Variants in CD53 observed in about 807,000 individuals in gnomAD.
CD53 encodes CD53 molecule.
Under a neutral mutation model 27.3 loss-of-function variants are expected in CD53, and 20 were observed. The ratio of observed to expected loss-of-function variants is 0.73; its 90% CI spans 0.52 to 1.07. CD53 has a LOEUF of 1.07. Ranked by LOEUF, CD53 falls within the 50% of genes least tolerant of loss-of-function variation. CD53 has a pLI of 0.00. For missense variants in CD53, 216 were observed against 264.0 expected, an observed-to-expected ratio of 0.82 and a Z score of 1.26; for synonymous variants, 106 against 105.3, an observed-to-expected ratio of 1.01 and a Z score of -0.04.
chr1:110,897,859 C>G lies in CD53; in HGVS notation c.555C>G (p.Ile185Met). The G allele has an allele frequency of 1.9e-6, 3 of 1,611,422 alleles. No homozygotes were observed. The highest frequency in any genetic ancestry group is 2.5e-6 in the Non-Finnish European group (3 of 1,177,928). ...GGTTTCATTCCAATTTCCTGTATAT[C>G]GGAATCATCACCATCTGTGTATGTG... ...RLWFHSNFLY[I>M]GIITICVCVI... Residue 185 changes from isoleucine to methionine, a missense_variant, in exon 7 of 8, where the codon ATC becomes ATG. Transcript: ENST00000271324.
At chr1:110,875,784 T>C (rs1406123394) in intron 1 of CD53, among the ~76,000 whole-genome samples, 3 of 152,144 alleles carry the variant, frequency 2.0e-5, no homozygotes, top group African/African-American at 7.2e-5. Flanking sequence ...AGGATTGAGC[T>C]GGAGGTTGGG....
Position 110,892,482 on chromosome 1 carries a change from C to T in CD53, c.201C>T (p.Ala67=). 1 of 1,614,130 alleles carries T rather than the reference C, an allele frequency of 6.2e-7. No homozygotes were observed. Among genetic ancestry groups the T allele is most frequent in the Non-Finnish European group, 8.5e-7 (1 of 1,180,012 alleles). The change falls in exon 3 of 8, where the codon GCC becomes GCT. Residue 67 remains alanine (A), a synonymous_variant. Coordinates refer to ENST00000271324, the MANE Select transcript of CD53 (RefSeq NM_000560.4). ...TGGGCTCTATTATCATGGTAGTTGC[C>T]TTCCTGGGCTGCATGGGCTCTATCA... The part of the protein sequence containing the change: ...VIVGSIIMVV[A]FLGCMGSIKE...
chr1:110,892,604 T>C lies in CD53; in HGVS notation c.252+71T>C, dbSNP rs1656900566. On this transcript the variant is annotated intron_variant, in intron 3 of 7. Transcript: ENST00000271324. ...GCCTAAATCCCAGGCAAGATGTTTCTTGGTAGATCACTTATAGGCACAGAA... is the reference window on the plus strand; with the variant it reads ...GCCTAAATCCCAGGCAAGATGTTTCCTGGTAGATCACTTATAGGCACAGAA... The C allele has an allele frequency of 5.6e-6, 7 of 1,249,508 alleles. No homozygotes were observed. The South Asian group carries it at 9.3e-5, about 17-fold the overall frequency. 77.4% of individuals were successfully genotyped at this position (1,249,508 alleles called of 1,614,324 possible).
chr1:110,896,864 G>A (rs1657085543), intron 6 of CD53, 131 bp downstream of exon 6: 8 of 712,176 alleles, frequency 1.1e-5, no homozygotes, highest in Middle Eastern at 5.3e-4. Flanking sequence ...GAGAGGCCAG[G>A]GCAACAACCT....
chr1:110,892,621 G>A, intron 3 of CD53, 88 bp downstream of exon 3: 1 of 1,055,818 alleles, frequency 9.5e-7, no homozygotes, highest in Non-Finnish European at 1.4e-6. Context: ...ATCACTTATA[G>A]GCACAGAAAG....
At chr1:110,875,095 G>T (rs868040708) in intron 1 of CD53, among the ~76,000 whole-genome samples, 1 of 152,200 alleles carries the variant, frequency 6.6e-6, no homozygotes, top group Non-Finnish European at 1.5e-5. Flanking sequence ...GCCTAGAGAG[G>T]TGACTGGTGG....
chr1:110,894,769 T>C (rs1656991197), intron 4 of CD53, among the ~76,000 whole-genome samples, 191 bp from the exon 5 acceptor site: 1 of 152,172 alleles, frequency 6.6e-6, no homozygotes, highest in Non-Finnish European at 1.5e-5. Flanking sequence ...TACTAAATAC[T>C]TCTTCCTTCA....
intron 1 of CD53, among the ~76,000 whole-genome samples, chr1:110,879,544 C>T (rs1656267753): frequency 1.3e-5 from 2 of 152,102 alleles, no homozygotes; most frequent in African/African-American, 4.8e-5. Context: ...TAGCATATAA[C>T]AGGTTTTTCT....
At chr1:110,883,965 A>T (rs1175204396) in intron 1 of CD53, among the ~76,000 whole-genome samples, 1 of 152,038 alleles carries the variant, frequency 6.6e-6, no homozygotes, top group East Asian at 1.9e-4. Flanking sequence ...TCAGTCTTCT[A>T]AAAGAGCCAA....
chr1:110,873,533 A>C (rs1006886322), intron 1 of CD53, among the ~76,000 whole-genome samples: 5 of 152,168 alleles, frequency 3.3e-5, no homozygotes, highest in African/African-American at 1.2e-4. Context: ...CTGTGTAGTA[A>C]TTCCTGATGC....
In CD53 at chr1:110,899,351, G is replaced by T. The variant is rs2101071947; in HGVS notation, c.*156G>T. ...TATACAACCAGAGAAGTGGGTGTTG[G>T]CCAGGCACATCCCATCTCAGGCAGC... is the stretch of plus-strand genomic sequence containing the variant. On this transcript the variant is annotated 3_prime_UTR_variant, in exon 8 of 8. Coordinates refer to ENST00000271324, the MANE Select transcript of CD53 (RefSeq NM_000560.4). 2 of 569,728 alleles carry T rather than the reference G, an allele frequency of 3.5e-6. No homozygotes were observed. The highest frequency in any genetic ancestry group is 2.1e-5 in the South Asian group (1 of 47,848). The allele number at this position is 569,728 out of a possible 1,614,324, so 35.3% of individuals were successfully genotyped here.
chr1:110,879,579 C>A (rs546000131), intron 1 of CD53, among the ~76,000 whole-genome samples: 1 of 151,734 alleles, frequency 6.6e-6, no homozygotes, highest in East Asian at 1.9e-4. Context: ...TTTTCTTTAT[C>A]TTGGCTTTTG....
chr1:110,894,482 G>A, intron 4 of CD53, 81 bp downstream of exon 4: 1 of 1,060,546 alleles, frequency 9.4e-7, no homozygotes. Flanking sequence ...CAAAGTTACA[G>A]AATAAGTTCT....
chr1:110,878,597 T>C (rs1226065011), intron 1 of CD53, among the ~76,000 whole-genome samples: 3 of 152,226 alleles, frequency 2.0e-5, no homozygotes, highest in Admixed American at 6.5e-5. Context: ...TACATTTGCT[T>C]TCTATTGCTG....
intron 1 of CD53, among the ~76,000 whole-genome samples, chr1:110,889,761 A>G (rs1025324367): frequency 3.9e-5 from 6 of 152,188 alleles, no homozygotes. Context: ...ATTCTCACAC[A>G]GCTGTTTAGA....
At chr1:110,891,343 G>C in intron 1 of CD53, 49 bp from the exon 2 acceptor site, 1 of 1,259,066 alleles carries the variant, frequency 7.9e-7, no homozygotes. Flanking sequence ...CTGATCTCTG[G>C]CTACCTTACA....
upstream of CD53, among the ~76,000 whole-genome samples, chr1:110,871,652 T>C (rs1655970794): frequency 6.6e-6 from 1 of 152,108 alleles, no homozygotes; most frequent in Admixed American, 6.5e-5. Flanking sequence ...TAGGAAAATA[T>C]GAGTTCAGCC....
chr1:110,871,846 C>CACA (rs1242174594), upstream of CD53, among the ~76,000 whole-genome samples: 21 of 151,794 alleles, frequency 1.4e-4, no homozygotes, highest in Non-Finnish European at 2.5e-4. Context: ...CACACACACA[C>CACA]ACCACACAGT....
At position 110,897,906 on chromosome 1, in the gene CD53, C is replaced by T. The variant is rs1221635513; in HGVS notation, c.588+14C>T. The T allele has an allele frequency of 6.7e-7, 1 of 1,498,276 alleles. No individual in the cohort carries two copies. Among genetic ancestry groups the T allele is most frequent in the Non-Finnish European group, 9.3e-7 (1 of 1,078,310 alleles). 92.8% of individuals were successfully genotyped at this position (1,498,276 alleles called of 1,614,324 possible). On this transcript the variant is annotated intron_variant, in intron 7 of 7. Coordinates refer to ENST00000271324, the MANE Select transcript of CD53 (RefSeq NM_000560.4). ...TGTGTGATTGAGGTAAGAGCTTAACCACAGGGTTATTGTGAGGATTACATG... is the reference window on the plus strand; with the variant it reads ...TGTGTGATTGAGGTAAGAGCTTAACTACAGGGTTATTGTGAGGATTACATG...
Sources: gnomAD v4.1 joint callset for allele counts (sites outside exome capture counted in the v4.1 genomes callset) on GRCh38, gnomAD v4.1.1 for gene constraint, MANE v1.5 for transcripts, NCBI Gene and HGNC (gene_info 2026-07-23, HGNC 2026-07-21) for gene names.